Variants in PTK2 observed in about 807,000 individuals in gnomAD.
PTK2 encodes focal adhesion kinase 1.
Under a neutral mutation model 150.1 loss-of-function variants are expected in PTK2, and 45 were observed. The ratio of observed to expected loss-of-function variants is 0.30; its 90% CI spans 0.24 to 0.38. The LOEUF (loss-of-function observed/expected upper bound fraction) is 0.38, where lower values mean the gene tolerates loss of function less well. Ranked by LOEUF, PTK2 falls within the 10% of genes least tolerant of loss-of-function variation. The probability of loss-of-function intolerance (pLI) is 1.00; values close to 1 mark genes in which losing one functional copy is unlikely to be tolerated. For missense variants in PTK2, 919 were observed against 1,307.3 expected, an observed-to-expected ratio of 0.70 and a Z score of 4.58; for synonymous variants, 432 against 449.2, an observed-to-expected ratio of 0.96 and a Z score of 0.48.
At chr8:140,676,647 G>T (rs1345575116) in intron 27 of PTK2, among the ~76,000 whole-genome samples, 1 of 149,694 alleles carries the variant, frequency 6.7e-6, no homozygotes, top group Non-Finnish European at 1.5e-5. Flanking sequence ...ACTTAATGGC[G>T]CCAGGTGCAG....
chr8:140,813,142 G>GT (rs2100102580), intron 10 of PTK2, among the ~76,000 whole-genome samples: 2 of 152,070 alleles, frequency 1.3e-5, no homozygotes, highest in South Asian at 4.1e-4. Flanking sequence ...ACAAAACACC[G>GT]TTTAGCAAAT....
At chr8:140,855,746 A>C (rs1344820299) in intron 5 of PTK2, among the ~76,000 whole-genome samples, 1 of 152,180 alleles carries the variant, frequency 6.6e-6, no homozygotes, top group African/African-American at 2.4e-5. Context: ...TAGAGACAGA[A>C]AGTAGAATGG....
intron 14 of PTK2, among the ~76,000 whole-genome samples, chr8:140,775,436 G>C (rs1595076667): frequency 6.6e-6 from 1 of 152,120 alleles, no homozygotes; most frequent in Non-Finnish European, 1.5e-5. Flanking sequence ...AGTGAGCCAA[G>C]ATCACGCCAC....
At chr8:140,938,751 T>C (rs1230318060) in intron 1 of PTK2, among the ~76,000 whole-genome samples, 4 of 152,196 alleles carry the variant, frequency 2.6e-5, no homozygotes, top group Non-Finnish European at 5.9e-5. Flanking sequence ...AAAACAGCCA[T>C]CATGATTACT....
chr8:140,904,561 C>CA (rs2100160084), intron 2 of PTK2, among the ~76,000 whole-genome samples: 1 of 152,100 alleles, frequency 6.6e-6, no homozygotes, highest in African/African-American at 2.4e-5. Context: ...GGAATAGTTT[C>CA]AAAAGGAATT....
chr8:140,849,900 C>T (rs1266856714), intron 5 of PTK2, among the ~76,000 whole-genome samples: 1 of 152,200 alleles, frequency 6.6e-6, no homozygotes, highest in Non-Finnish European at 1.5e-5. Context: ...TACTTGTCAA[C>T]TCTTTCACAG....
In PTK2 at chr8:140,745,899, C is replaced by A. The variant is rs2100058399; in HGVS notation, c.1518+861G>T. ...CCTGTAGTCCCAGATACTCAGGAGG[C>A]TGAGGCAAGAGTAGTGCTTGAACCT... On this transcript the variant is annotated intron_variant, in intron 18 of 31. Coordinates refer to ENST00000522684, the Ensembl canonical transcript of PTK2. Among the ~76,000 whole-genome samples, 3 of 151,228 alleles carry A rather than the reference C, an allele frequency of 2.0e-5. No individual in the cohort carries two copies. In the South Asian group the frequency reaches 6.3e-4, roughly 32 times the overall value.
At chr8:140,668,666 T>C in intron 29 of PTK2, 1 of 362,286 alleles carries the variant, frequency 2.8e-6, no homozygotes, top group Non-Finnish European at 4.9e-6. Context: ...GATGGAATCA[T>C]ACATATTATA....
At chr8:140,705,992 T>C in intron 24 of PTK2, 127 bp downstream of exon 27, 1 of 689,186 alleles carries the variant, frequency 1.5e-6, no homozygotes, top group East Asian at 2.7e-5. Context: ...GTAACCACTT[T>C]CTCAGCTTTC....
intron 12 of PTK2, among the ~76,000 whole-genome samples, chr8:140,794,172 C>T (rs867842003): frequency 6.6e-6 from 1 of 152,164 alleles, no homozygotes. Context: ...AATAATCTTC[C>T]CAAATTACCA....
chr8:140,976,030 A>G (rs1343285371), intron 1 of PTK2, among the ~76,000 whole-genome samples: 1 of 152,228 alleles, frequency 6.6e-6, no homozygotes, highest in Non-Finnish European at 1.5e-5. Context: ...TTAGCACCTT[A>G]CATTTGTATA....
At chr8:140,890,865 C>G in intron 2 of PTK2, 96 bp from the exon 3 acceptor site, 1 of 1,059,040 alleles carries the variant, frequency 9.4e-7, no homozygotes, top group Non-Finnish European at 1.4e-6. Context: ...TATACTCTCT[C>G]TTGATATGTT....
intron 25 of PTK2, among the ~76,000 whole-genome samples, chr8:140,701,700 C>T (rs945402710): frequency 1.3e-5 from 2 of 152,140 alleles, no homozygotes; most frequent in Admixed American, 6.5e-5. Flanking sequence ...TGACGATAGT[C>T]CACTTAGGGC....
intron 22 of PTK2, chr8:140,718,355 T>A (rs993555165): frequency 6.6e-6 from 1 of 152,270 alleles, no homozygotes; most frequent in Non-Finnish European, 1.5e-5. Context: ...AAGTCCCACA[T>A]AACGCTGCAG....
intron 23 of PTK2, among the ~76,000 whole-genome samples, chr8:140,708,330 G>A (rs945300175): frequency 6.6e-6 from 1 of 152,040 alleles, no homozygotes; most frequent in African/African-American, 2.4e-5. Flanking sequence ...TGTCCCCTCT[G>A]CCTGGAATGT....
At chr8:140,902,921 G>GTTGTTTTTTGTTTTTTTT (rs1555356000) in intron 2 of PTK2, among the ~76,000 whole-genome samples, 1 of 66,782 alleles carries the variant, frequency 1.5e-5, no homozygotes, top group African/African-American at 6.5e-5. Context: ...TCTGATGAGA[G>GTTGTTTTTTGTTTTTTTT]TTGTTTTTTT....
At chr8:140,914,857 G>A (rs2100164573) in intron 2 of PTK2, among the ~76,000 whole-genome samples, 2 of 151,710 alleles carry the variant, frequency 1.3e-5, no homozygotes, top group Non-Finnish European at 2.9e-5. Context: ...CCAATATGGA[G>A]GTCTTATCTC....
At chr8:140,952,840 T>A (rs1264045824) in intron 1 of PTK2, among the ~76,000 whole-genome samples, 2 of 147,000 alleles carry the variant, frequency 1.4e-5, no homozygotes, top group Admixed American at 1.3e-4. Flanking sequence ...CTGTGAAACA[T>A]GCACCAAGAT....
intron 4 of PTK2, among the ~76,000 whole-genome samples, chr8:140,878,403 C>T (rs2100146944): frequency 6.6e-6 from 1 of 152,138 alleles, no homozygotes; most frequent in Non-Finnish European, 1.5e-5. Flanking sequence ...AGTTTGAGAT[C>T]TGTCTGGGCA....
Sources: gnomAD v4.1 joint callset for allele counts (sites outside exome capture counted in the v4.1 genomes callset) on GRCh38, gnomAD v4.1.1 for gene constraint, MANE v1.5 for transcripts, NCBI Gene and HGNC (gene_info 2026-07-23, HGNC 2026-07-21) for gene names.